NTNG2: variants seen among roughly 807,000 people sequenced by gnomAD.
NTNG2 encodes the protein netrin-G2.
A neutral mutation model predicts 47.6 loss-of-function variants in NTNG2; 15 were observed. The ratio of observed to expected loss-of-function variants is 0.32; its 90% CI spans 0.21 to 0.49. NTNG2 has a LOEUF of 0.49. Among genes scored for constraint, NTNG2 ranks in the 20% least tolerant of loss-of-function variants. NTNG2 has a pLI of 0.99. For synonymous variants in NTNG2, 307 were observed against 324.6 expected (o/e 0.95, Z 0.58); for missense variants, 578 against 764.6 (o/e 0.76, Z 2.88).
chr9:132,206,657 A>C (rs893088236), intron 3 of NTNG2, among the ~76,000 whole-genome samples: 1 of 152,136 alleles, frequency 6.6e-6, no homozygotes, highest in African/African-American at 2.4e-5. Flanking sequence ...ACAGAGCAAG[A>C]CTCCGTCTCA....
Position 132,206,819 on chromosome 9 carries a change from C to T in NTNG2, c.857+8210C>T, listed in dbSNP as rs930001786. On this transcript the variant is annotated intron_variant, in intron 3 of 7. Coordinates refer to ENST00000393229, the MANE Select transcript of NTNG2 (RefSeq NM_032536.4). Reference sequence around the variant, plus strand: ...CTTCCCACCAAAAAGCGGGCATGCACGATTCCAGACCACATCAGCCTCCAC... The same window carrying T: ...CTTCCCACCAAAAAGCGGGCATGCATGATTCCAGACCACATCAGCCTCCAC... Among the ~76,000 whole-genome samples the T allele has an allele frequency of 2.0e-5, 3 of 152,268 alleles. 1 individual carries two copies. The highest frequency in any genetic ancestry group is 4.4e-5 in the Non-Finnish European group (3 of 68,048).
At position 132,166,843 on chromosome 9, in the gene NTNG2, G is replaced by C. The variant is rs985095065; in HGVS notation, c.12G>C (p.Leu4=). 1.4e-5 allele frequency: 22 copies of C among 1,613,906 alleles called. No individual in the cohort carries two copies. Among genetic ancestry groups the C allele is most frequent in the Non-Finnish European group, 1.7e-5 (20 of 1,180,028 alleles). Residue 4 remains leucine, a synonymous_variant, in exon 2 of 8, where the codon CTG becomes CTC. Coordinates refer to ENST00000393229, the MANE Select transcript of NTNG2 (RefSeq NM_032536.4). ...CAGACTGCGCAGCCATGCTGCATCT[G>C]CTGGCGCTCTTCCTGCACTGCCTCC... MLH[L]LALFLHCLPL...
In NTNG2 at chr9:132,182,507, G is replaced by T. The variant is rs763770304; in HGVS notation, c.214-15459G>T. Among the ~76,000 whole-genome samples the T allele has an allele frequency of 1.3e-5, 2 of 152,134 alleles. No homozygotes were observed. Among genetic ancestry groups the T allele is most frequent in the Non-Finnish European group, 2.9e-5 (2 of 67,994 alleles). ...GTGGCCTTCCTTGCTGTCTCTGCCC[G>T]CTCCAAAATGGAAAATTGTCCCACC... is the stretch of plus-strand genomic sequence containing the variant. On this transcript the variant is annotated intron_variant, in intron 2 of 7. Coordinates refer to ENST00000393229, the MANE Select transcript of NTNG2 (RefSeq NM_032536.4). The surrounding 1 kb of genome is among the most constrained non-coding windows in gnomAD (Gnocchi z 4.2).
intron 3 of NTNG2, among the ~76,000 whole-genome samples, chr9:132,214,714 G>A (rs964403098): frequency 6.6e-6 from 1 of 152,196 alleles, no homozygotes; most frequent in African/African-American, 2.4e-5. Context: ...GAGCCGGGTA[G>A]CAGGTGGGCC....
At chr9:132,219,397 AC>A (rs1289801456) in intron 3 of NTNG2, among the ~76,000 whole-genome samples, 1 of 151,716 alleles carries the variant, frequency 6.6e-6, no homozygotes, top group Admixed American at 6.6e-5. Context: ...ACATGGCAAA[AC>A]CCCATCTGTA....
Position 132,244,359 on chromosome 9 carries a change from T to G in NTNG2, c.*2248T>G, listed in dbSNP as rs2095159867. The G allele has an allele frequency of 6.6e-6, 1 of 152,346 alleles. No individual in the cohort carries two copies. Among genetic ancestry groups the G allele is most frequent in the Admixed American group, 6.5e-5 (1 of 15,304 alleles). 9.4% of individuals were successfully genotyped at this position (152,346 alleles called of 1,614,324 possible). A position where few individuals can be genotyped will look rare whatever the true frequency, so the allele number is the denominator to read the frequency against. On this transcript the variant is annotated 3_prime_UTR_variant, in exon 8 of 8. Coordinates refer to ENST00000393229, the MANE Select transcript of NTNG2 (RefSeq NM_032536.4). ...ACTGCTTTTATTTATCTACTTATTT[T>G]TATAGAGTTGAGGTCTCACTATGTT...
chr9:132,164,259 A>G (rs549102291), intron 1 of NTNG2, among the ~76,000 whole-genome samples: 1 of 152,162 alleles, frequency 6.6e-6, no homozygotes, highest in South Asian at 2.1e-4. Context: ...TGGCATTTAA[A>G]CCAACAGGAC....
Position 132,215,551 on chromosome 9 carries a change from G to A in NTNG2, c.858-11298G>A, listed in dbSNP as rs538521303. 4.6e-5 allele frequency among the ~76,000 whole-genome samples: 7 copies of A among 152,252 alleles called. No homozygotes were observed. In the South Asian group the frequency reaches 1.5e-3, roughly 32 times the overall value. ...GCCAAGATCGAACCACTGCACTCCG[G>A]TCTAGATGACAAAGCGAGATTCCAT... On this transcript the variant is annotated intron_variant, in intron 3 of 7. Transcript: ENST00000393229. The surrounding 1 kb of genome is among the most constrained non-coding windows in gnomAD (Gnocchi z 4.2).
At chr9:132,239,852 T>A (rs1160324616) in intron 6 of NTNG2, among the ~76,000 whole-genome samples, 1 of 152,248 alleles carries the variant, frequency 6.6e-6, no homozygotes, top group Non-Finnish European at 1.5e-5. Flanking sequence ...CTGAAGCTTT[T>A]CTTCAAATGC....
chr9:132,242,539 C>T lies in NTNG2; in HGVS notation c.*428C>T, dbSNP rs1272218796. ...GCCAGGCTCACGGGCGGCGGCGGACCCCGACCTCCAGTTGCCTACAATTCC... is the reference window on the plus strand; with the variant it reads ...GCCAGGCTCACGGGCGGCGGCGGACTCCGACCTCCAGTTGCCTACAATTCC... On this transcript the variant is annotated 3_prime_UTR_variant, in exon 8 of 8. Transcript: ENST00000393229. The surrounding 1 kb of genome is among the most constrained non-coding windows in gnomAD (Gnocchi z 5.9). The T allele has an allele frequency of 6.6e-6, 1 of 152,266 alleles. No individual in the cohort carries two copies. The highest frequency in any genetic ancestry group is 2.4e-5 in the African/African-American group (1 of 41,432). 9.4% of individuals were successfully genotyped at this position (152,266 alleles called of 1,614,324 possible).
At chr9:132,198,712 GACCGGGTTCTTGGGATGTT>G in intron 3 of NTNG2, 103 bp downstream of exon 3, 1 of 1,264,878 alleles carries the variant, frequency 7.9e-7, no homozygotes, top group East Asian at 2.5e-5. Context: ...TGTGGAACAT[GACCGGGTTCTTGGGATGTT>G]ACCTGGTTCC....
chr9:132,198,601 C>T lies in NTNG2; in HGVS notation c.849C>T (p.Val283=). Residue 283 remains valine (V), a synonymous_variant, in exon 3 of 8, where the codon GTC becomes GTT. Coordinates refer to ENST00000393229, the MANE Select transcript of NTNG2 (RefSeq NM_032536.4). The stretch of plus-strand genomic sequence containing the variant: ...TCTACGCCATCTCCAACATCGAGGT[C>T]ATCGGCAGGTAAGGCCGGGGGAAGC... ...KYFYAISNIE[V]IGRCKCNLHA... 6.2e-7 allele frequency: 1 copy of T among 1,606,136 alleles called. No individual in the cohort carries two copies.
chr9:132,241,843 A>AC, intron 7 of NTNG2, 33 bp from the exon 8 acceptor site: 2 of 1,462,094 alleles, frequency 1.4e-6, no homozygotes, highest in Non-Finnish European at 9.2e-7. Context: ...GGACCGGGCC[A>AC]CCCCCCGTGC....
rs12347450 is a variant in NTNG2, at chr9:132,182,708, G to A, written c.214-15258G>A. ...GCAGGAAAGGGAGGTTTCAGGTTTT[G>A]TGGCTCTTTTCCATCTCCCAACACT... On this transcript the variant is annotated intron_variant, in intron 2 of 7. Transcript: ENST00000393229. The surrounding 1 kb of genome is among the most constrained non-coding windows in gnomAD (Gnocchi z 4.2). Among the ~76,000 whole-genome samples, 3,135 of 152,262 alleles carry A rather than the reference G, an allele frequency of 0.021. 114 individuals carry two copies. Among genetic ancestry groups the A allele is most frequent in the African/African-American group, 0.07 (2,893 of 41,526 alleles).
intron 3 of NTNG2, among the ~76,000 whole-genome samples, chr9:132,200,402 G>A (rs547576422): frequency 2.4e-4 from 36 of 152,380 alleles, no homozygotes; most frequent in East Asian, 1.5e-3. Context: ...GTGATTTGCC[G>A]TATGGCAGGT....
intron 2 of NTNG2, among the ~76,000 whole-genome samples, chr9:132,169,980 AG>A (rs1382957295): frequency 1.3e-5 from 2 of 152,160 alleles, no homozygotes; most frequent in Non-Finnish European, 2.9e-5. Flanking sequence ...ACCAGCCACC[AG>A]GGGGCGCCCT....
chr9:132,210,994 C>T (rs1839550245), intron 3 of NTNG2, among the ~76,000 whole-genome samples: 4 of 152,334 alleles, frequency 2.6e-5, no homozygotes, highest in African/African-American at 7.2e-5. Flanking sequence ...AATCCGCTTC[C>T]AGAAGCACCC....
At chr9:132,174,371 T>TGGAC (rs1277637883) in intron 2 of NTNG2, among the ~76,000 whole-genome samples, 2 of 137,544 alleles carry the variant, frequency 1.5e-5, no homozygotes, top group South Asian at 2.5e-4. Flanking sequence ...GACGGACAGA[T>TGGAC]GGACGGACGG....
intron 2 of NTNG2, among the ~76,000 whole-genome samples, chr9:132,170,463 G>A (rs1403238508): frequency 6.6e-6 from 1 of 152,210 alleles, no homozygotes; most frequent in African/African-American, 2.4e-5. Context: ...AAGGCTGCAG[G>A]CCGAGAAGGA....
Sources: gnomAD v4.1 joint callset for allele counts (sites outside exome capture counted in the v4.1 genomes callset) on GRCh38, gnomAD v4.1.1 for gene constraint, Gnocchi (gnomAD v3.1) non-coding constraint, MANE v1.5 for transcripts, NCBI Gene and HGNC (gene_info 2026-07-23, HGNC 2026-07-21) for gene names.